CCDC172: variants seen among roughly 807,000 people sequenced by gnomAD.
CCDC172 encodes the protein coiled-coil domain-containing protein 172.
A neutral mutation model predicts 38.0 loss-of-function variants in CCDC172; 30 were observed. The ratio of observed to expected loss-of-function variants is 0.79; its 90% CI spans 0.59 to 1.07. The LOEUF (loss-of-function observed/expected upper bound fraction) is 1.07. CCDC172 is among the 50% of genes least tolerant of loss of function. CCDC172 has a pLI of 0.00. For synonymous variants in CCDC172, 78 were observed against 88.3 expected (o/e 0.88, Z 0.66); for missense variants, 297 against 290.1 (o/e 1.02, Z -0.17).
intron 3 of CCDC172, among the ~76,000 whole-genome samples, chr10:116,335,936 G>T (rs769076605): frequency 6.6e-6 from 1 of 151,938 alleles, no homozygotes; most frequent in African/African-American, 2.4e-5. Flanking sequence ...AGAGGCCAAG[G>T]GGGGTGGATC....
At position 116,341,983 on chromosome 10, in the gene CCDC172, A is replaced by G; in HGVS notation, c.283-53A>G. 5.0e-6 allele frequency: 6 copies of G among 1,196,282 alleles called. No individual in the cohort carries two copies. In the South Asian group the frequency reaches 8.6e-5, roughly 17 times the overall value. The allele number at this position is 1,196,282 out of a possible 1,614,324, so 74.1% of individuals were successfully genotyped here. ...TTATTATATTTTAAATAATTAAGGA[A>G]AAATATTATTGCAACTAACACCTAT... On this transcript the variant is annotated intron_variant, in intron 4 of 8. Transcript: ENST00000333254.
chr10:116,333,124 T>C (rs113615581), intron 3 of CCDC172, among the ~76,000 whole-genome samples: 2,245 of 152,276 alleles, frequency 0.015, 44 homozygotes, highest in African/African-American at 0.051. Context: ...ACAATTTTTT[T>C]TTCATCCTGT....
intron 5 of CCDC172, among the ~76,000 whole-genome samples, chr10:116,350,891 A>G (rs978405514): frequency 1.3e-5 from 2 of 152,168 alleles, no homozygotes; most frequent in African/African-American, 4.8e-5. Flanking sequence ...TACCTAAATA[A>G]AGCTGTAAAT....
At chr10:116,346,992 G>C (rs1253112603) in intron 5 of CCDC172, among the ~76,000 whole-genome samples, 2 of 152,160 alleles carry the variant, frequency 1.3e-5, no homozygotes, top group Admixed American at 1.3e-4. Context: ...AGTTAAGGAA[G>C]ATTTCCCTGA....
intron 3 of CCDC172, among the ~76,000 whole-genome samples, chr10:116,339,415 C>G (rs537820999): frequency 6.6e-6 from 1 of 151,884 alleles, no homozygotes; most frequent in South Asian, 2.1e-4. Context: ...TGATCATACC[C>G]TAGTTTCCCC....
chr10:116,339,347 A>C (rs567327194), intron 3 of CCDC172, among the ~76,000 whole-genome samples: 44 of 152,064 alleles, frequency 2.9e-4, no homozygotes, highest in African/African-American at 1.1e-3. Context: ...TCATTTACAT[A>C]ATAAGCATTA....
rs1845190611 is a variant in CCDC172 at position 116,371,959 on chromosome 10, G to C, written c.654-6464G>C. On this transcript the variant is annotated intron_variant, in intron 7 of 8. Transcript: ENST00000333254. The stretch of plus-strand genomic sequence containing the variant: ...CTTCTCTCAGTGTTTCCCTACACGG[G>C]GAAAGACTTTCACTTTCTGAGGGTC... 2.0e-5 allele frequency among the ~76,000 whole-genome samples: 3 copies of C among 152,012 alleles called. No homozygotes were observed. The South Asian group carries it at 6.2e-4, about 31-fold the overall frequency.
At chr10:116,368,709 T>G (rs890995701) in intron 7 of CCDC172, among the ~76,000 whole-genome samples, 1 of 152,028 alleles carries the variant, frequency 6.6e-6, no homozygotes, top group Non-Finnish European at 1.5e-5. Flanking sequence ...GGGAATAGTA[T>G]TTAGAAATTC....
chr10:116,325,537 A>T, intron 3 of CCDC172, 149 bp downstream of exon 3: 1 of 610,172 alleles, frequency 1.6e-6, no homozygotes, highest in Non-Finnish European at 2.8e-6. Flanking sequence ...TTGCCTGGTG[A>T]TGTTTAAAGT....
chr10:116,355,945 G>A (rs1011542527), intron 5 of CCDC172, among the ~76,000 whole-genome samples: 8 of 152,106 alleles, frequency 5.3e-5, no homozygotes, highest in African/African-American at 1.4e-4. Flanking sequence ...CCAATGAATT[G>A]TATACTTTAA....
intron 5 of CCDC172, among the ~76,000 whole-genome samples, chr10:116,343,516 T>G (rs1200086441): frequency 1.7e-3 from 1 of 584 alleles, no homozygotes; most frequent in Non-Finnish European, 6.5e-3. Context: ...TGATCATTCG[T>G]TTTTTTTTTT....
chr10:116,325,327 G>C lies in CCDC172; in HGVS notation c.104G>C (p.Arg35Pro). ...REVRSEITRC[R>P]EKIKKATEEL... ...GTAAGGTCGGAAATAACCAGATGTC[G>C]TGAAAAAATTAAGAAAGCAACGGAG... is the stretch of plus-strand genomic sequence containing the variant. Residue 35 changes from arginine (R) to proline (P), a missense_variant, in exon 3 of 9, where the codon CGT becomes CCT. Physicochemically the swap from Arg to Pro is moderately radical, Grantham distance 103. Coordinates refer to ENST00000333254, the MANE Select transcript of CCDC172 (RefSeq NM_198515.3). 6.2e-7 allele frequency: 1 copy of C among 1,613,564 alleles called. No individual in the cohort carries two copies. The highest frequency in any genetic ancestry group is 8.5e-7 in the Non-Finnish European group (1 of 1,179,644).
intron 7 of CCDC172, among the ~76,000 whole-genome samples, chr10:116,362,485 A>T (rs1845076704): frequency 6.6e-6 from 1 of 152,220 alleles, no homozygotes; most frequent in Non-Finnish European, 1.5e-5. Context: ...GTATCCTTAA[A>T]TACTTGCAAG....
At chr10:116,348,826 G>A (rs1844897651) in intron 5 of CCDC172, among the ~76,000 whole-genome samples, 1 of 151,990 alleles carries the variant, frequency 6.6e-6, no homozygotes, top group Admixed American at 6.6e-5. Flanking sequence ...CCTGCCTCAG[G>A]ACCGTTGACT....
At chr10:116,366,672 A>G (rs1234221056) in intron 7 of CCDC172, among the ~76,000 whole-genome samples, 1 of 152,198 alleles carries the variant, frequency 6.6e-6, no homozygotes, top group Non-Finnish European at 1.5e-5. Flanking sequence ...GAGTTGTTCC[A>G]GGATAGATGC....
chr10:116,371,900 A>G (rs554291298), intron 7 of CCDC172, among the ~76,000 whole-genome samples: 1 of 151,814 alleles, frequency 6.6e-6, no homozygotes, highest in Admixed American at 6.6e-5. Flanking sequence ...TCCACCATAC[A>G]GAAGCCATTA....
At position 116,330,669 on chromosome 10, in the gene CCDC172, A is replaced by G. The variant is rs78807669; in HGVS notation, c.165+5281A>G. On this transcript the variant is annotated intron_variant, in intron 3 of 8. Coordinates refer to ENST00000333254, the MANE Select transcript of CCDC172 (RefSeq NM_198515.3). ...TCCGTATTCTCCAACTGAAAAACGT[A>G]TTACAAAAGATTGAGTAGAAGCAGA... is the stretch of plus-strand genomic sequence containing the variant. 9.3e-3 allele frequency among the ~76,000 whole-genome samples: 1,414 copies of G among 152,278 alleles called. 41 individuals are homozygous for G. The highest frequency in any genetic ancestry group is 0.032 in the Admixed American group (496 of 15,282).
chr10:116,324,902 G>T (rs568886322), intron 1 of CCDC172, 45 bp from the exon 2 acceptor site: 9 of 882,008 alleles, frequency 1.0e-5, no homozygotes, highest in East Asian at 7.7e-5. Context: ...AGGTCTATCT[G>T]GGAATGGTTC....
At chr10:116,357,205 A>T (rs1304554433) in intron 5 of CCDC172, among the ~76,000 whole-genome samples, 175 bp from the exon 6 acceptor site, 2 of 152,090 alleles carry the variant, frequency 1.3e-5, no homozygotes, top group Admixed American at 6.5e-5. Context: ...TAGTATGGAT[A>T]TTTTAACAAC....
Sources: gnomAD v4.1 joint callset for allele counts (sites outside exome capture counted in the v4.1 genomes callset) on GRCh38, gnomAD v4.1.1 for gene constraint, MANE v1.5 for transcripts, NCBI Gene and HGNC (gene_info 2026-07-23, HGNC 2026-07-21) for gene names.